TRPV3: variants seen among roughly 807,000 people sequenced by gnomAD.
TRPV3 encodes transient receptor potential cation channel subfamily V member 3, also known as VRL-3.
Under a neutral mutation model 87.1 loss-of-function variants are expected in TRPV3, and 88 were observed. That is an observed-to-expected ratio of 1.01 (90% confidence interval 0.85 to 1.21). The LOEUF (loss-of-function observed/expected upper bound fraction) is 1.21. Ranked by LOEUF, TRPV3 falls within the 50% of genes most tolerant of loss-of-function variation. The pLI is 0.00. For missense variants in TRPV3, 1,054 were observed against 1,030.1 expected, an observed-to-expected ratio of 1.02 and a Z score of -0.32; for synonymous variants, 438 against 423.3, an observed-to-expected ratio of 1.03 and a Z score of -0.43.
rs2150779767 is a variant in TRPV3 at position 3,518,046 on chromosome 17, T to C, written c.2085+530A>G. On this transcript the variant is annotated intron_variant, in intron 15 of 17. Transcript: ENST00000576742. This position sits in a 1 kb window ranked among gnomAD's most constrained non-coding sequence, Gnocchi z 4.3. ...GTTGGCCAAGCTGGGCTCGAACTCT[T>C]GACCTCAGGTGATCCACCCGCTTCG... Among the ~76,000 whole-genome samples the C allele has an allele frequency of 6.6e-6, 1 of 152,176 alleles. No individual in the cohort carries two copies. Among genetic ancestry groups the C allele is most frequent in the East Asian group, 1.9e-4 (1 of 5,164 alleles).
At chr17:3,554,126 T>C (rs190153273) in intron 2 of TRPV3, 232 of 152,656 alleles carry the variant, frequency 1.5e-3, no homozygotes, top group Admixed American at 1.7e-3. Context: ...CGTGGAGTGA[T>C]GAGGACAATG....
chr17:3,516,542 T>C lies in TRPV3; in HGVS notation c.2113A>G (p.Lys705Glu), dbSNP rs371447802. ...CTCCTCAGCCATTCTGGTAACATTTTCTCAAACTCCAAGATGGTCCTGGCT... is the reference window on the plus strand; with the variant it reads ...CTCCTCAGCCATTCTGGTAACATTTCCTCAAACTCCAAGATGGTCCTGGCT... ...QRARTILEFE[K>E]MLPEWLRSRF... Residue 705 changes from lysine (K) to glutamate (E), a missense_variant, in exon 16 of 18, where the codon AAA (lysine) becomes GAA (glutamate). Physicochemically the swap from Lys to Glu is moderately conservative, Grantham distance 56 (BLOSUM62 1). Transcript: ENST00000576742. The C allele has an allele frequency of 1.7e-5, 27 of 1,613,974 alleles. 1 individual carries two copies. The African/African-American group carries it at 3.3e-4, about 20-fold the overall frequency.
rs190182509 is a variant in TRPV3, at chr17:3,533,080, G to A, written c.785-143C>T. The A allele has an allele frequency of 1.2e-3, 1,195 of 978,070 alleles. 2 individuals are homozygous for A. Among genetic ancestry groups the A allele is most frequent in the Middle Eastern group, 1.4e-3 (5 of 3,654 alleles). The allele number at this position is 978,070 out of a possible 1,614,324, so 60.6% of individuals were successfully genotyped here. ...CCCTCTCCCCATCTTCCGCTTCTAC[G>A]GGGAAGAGTGAAGCTAGATCACTGC... On this transcript the variant is annotated intron_variant, in intron 7 of 17. Coordinates refer to ENST00000576742, the MANE Select transcript of TRPV3 (RefSeq NM_145068.4).
rs1302186954 is a variant in TRPV3 at position 3,516,489 on chromosome 17, T to G, written c.2166A>C (p.Lys722Asn). The G allele has an allele frequency of 6.2e-7, 1 of 1,614,056 alleles. No homozygotes were observed. Among genetic ancestry groups the G allele is most frequent in the East Asian group, 2.2e-5 (1 of 44,872 alleles). ...ACAGTCGGAAATCATCCTCGGCCAC[T>G]TTGCACAGCTCTCCCATCCGGAATC... ...RSRFRMGELC[K>N]VAEDDFRLCL... The change falls in exon 16 of 18, where the codon AAA becomes AAC. Residue 722 changes from lysine to asparagine, a missense_variant. By Grantham distance (94) the Lys-to-Asn change is moderately conservative. Coordinates refer to ENST00000576742, the MANE Select transcript of TRPV3 (RefSeq NM_145068.4).
At chr17:3,514,154 C>A (rs562291746) in intron 17 of TRPV3, 143 bp from the exon 18 acceptor site, 1 of 639,662 alleles carries the variant, frequency 1.6e-6, no homozygotes, top group South Asian at 2.2e-5. Flanking sequence ...TCTCAGCTCA[C>A]TGCAACCTCC....
intron 8 of TRPV3, among the ~76,000 whole-genome samples, chr17:3,531,584 G>C (rs402481): frequency 0.34 from 51,692 of 151,828 alleles, 11,129 homozygotes; most frequent in Non-Finnish European, 0.48. Flanking sequence ...GGGGGTCCTG[G>C]GACCATGCTC....
At chr17:3,536,025 G>A (rs1385589184) in intron 6 of TRPV3, among the ~76,000 whole-genome samples, 2 of 152,232 alleles carry the variant, frequency 1.3e-5, no homozygotes, top group African/African-American at 2.4e-5. Flanking sequence ...CTACGATTCA[G>A]AGGGGTGCAG....
intron 7 of TRPV3, among the ~76,000 whole-genome samples, chr17:3,534,710 G>A (rs1340278747): frequency 6.6e-6 from 1 of 151,988 alleles, no homozygotes; most frequent in Non-Finnish European, 1.5e-5. Flanking sequence ...TGTGAGGCAG[G>A]GGAGTTCTGC....
intron 12 of TRPV3, 135 bp from the exon 13 acceptor site, chr17:3,524,498 C>T (rs185954331): frequency 4.8e-4 from 525 of 1,088,724 alleles, no homozygotes; most frequent in Admixed American, 1.1e-3. Context: ...ACCAGAATCA[C>T]GCTGCCTCAG....
At chr17:3,536,935 G>T (rs399605) in intron 6 of TRPV3, among the ~76,000 whole-genome samples, 94,034 of 152,076 alleles carry the variant, frequency 0.62, 35,565 homozygotes, top group Non-Finnish European at 0.85. Context: ...CTGCCGCTGT[G>T]TCATAAACAA....
At position 3,518,681 on chromosome 17, in the gene TRPV3, G is replaced by A. The variant is rs1278421463; in HGVS notation, c.1980C>T (p.Thr660=). ...GGAGAACAAAGGTGAGGATGACATAGGTGATGAGCAGGAACAGAAAGAGAA... is the reference window on the plus strand; with the variant it reads ...GGAGAACAAAGGTGAGGATGACATAAGTGATGAGCAGGAACAGAAAGAGAA... ...YPILFLFLLI[T]YVILTFVLLL... The change falls in exon 15 of 18, where the codon ACC becomes ACT. Residue 660 remains threonine, a synonymous_variant. Transcript: ENST00000576742. The surrounding 1 kb of genome is among the most constrained non-coding windows in gnomAD (Gnocchi z 4.3). 6.2e-7 allele frequency: 1 copy of A among 1,608,770 alleles called. No homozygotes were observed. The highest frequency in any genetic ancestry group is 8.5e-7 in the Non-Finnish European group (1 of 1,177,748).
chr17:3,540,318 CG>C (rs1187334079), intron 6 of TRPV3, among the ~76,000 whole-genome samples: 1 of 152,080 alleles, frequency 6.6e-6, no homozygotes, highest in South Asian at 2.1e-4. Flanking sequence ...AAGGCACCAG[CG>C]GATGGGTCAG....
rs1049860712 is a variant in TRPV3 at position 3,526,044 on chromosome 17, A to G, written c.1577+810T>C. On this transcript the variant is annotated intron_variant, in intron 12 of 17. Transcript: ENST00000576742. ...CATCTGGATAAAAACACTGTCTTAT[A>G]ACATCAGACAGTTTCCAAAATTATA... Among the ~76,000 whole-genome samples the G allele has an allele frequency of 7.2e-5, 11 of 152,200 alleles. 1 individual carries two copies. Among genetic ancestry groups the G allele is most frequent in the Admixed American group, 5.9e-4 (9 of 15,294 alleles).
At chr17:3,526,952 G>T (rs1182751970) in intron 11 of TRPV3, 25 bp from the exon 12 acceptor site, 1 of 1,594,682 alleles carries the variant, frequency 6.3e-7, no homozygotes. Context: ...GAAAGAAACA[G>T]TGCACCCTCT....
At chr17:3,534,062 G>A (rs917071940) in intron 7 of TRPV3, among the ~76,000 whole-genome samples, 55 of 152,142 alleles carry the variant, frequency 3.6e-4, no homozygotes, top group Non-Finnish European at 7.2e-4. Flanking sequence ...GACCAGCTCC[G>A]GACACCAGGT....
At chr17:3,531,329 G>T (rs1196381830) in intron 8 of TRPV3, among the ~76,000 whole-genome samples, 1 of 152,162 alleles carries the variant, frequency 6.6e-6, no homozygotes, top group Non-Finnish European at 1.5e-5. Context: ...CAGTGTCAGA[G>T]ACCTGGCCTC....
Position 3,524,363 on chromosome 17 carries a change from A to G in TRPV3, c.1578T>C (p.Phe526=), listed in dbSNP as rs1012023531. Residue 526 remains phenylalanine, a splice_region_variant and synonymous_variant, in exon 13 of 18, where the codon TTT becomes TTC. Coordinates refer to ENST00000576742, the MANE Select transcript of TRPV3 (RefSeq NM_145068.4). The part of the protein sequence containing the change: ...ILSDAWFHFV[F]FIQAVLVILS... ...GTATCACAAGCACAGCTTGGATAAA[A>G]CTGTTCAGGAGACACAGGAGACACG... is the stretch of plus-strand genomic sequence containing the variant. 8 of 1,614,090 alleles carry G rather than the reference A, an allele frequency of 5.0e-6. No individual in the cohort carries two copies. The Admixed American group carries it at 8.3e-5, about 17-fold the overall frequency.
intron 12 of TRPV3, among the ~76,000 whole-genome samples, chr17:3,525,064 G>T (rs1263199709): frequency 6.6e-6 from 1 of 152,214 alleles, no homozygotes; most frequent in Non-Finnish European, 1.5e-5. Flanking sequence ...CTGTCACCTA[G>T]GCTGGAGTAC....
rs1302961076 is a variant in TRPV3 at position 3,544,675 on chromosome 17, T to C, written c.225-10A>G. 3 of 1,601,678 alleles carry C rather than the reference T, an allele frequency of 1.9e-6. No individual in the cohort carries two copies. The highest frequency in any genetic ancestry group is 2.2e-5 in the East Asian group (1 of 44,570). ...ACAGTTACCAGAGATGCTGGAGGTGTTGGCAGGGGGAACAGAGAGGGTTTT... is the reference window on the plus strand; with the variant it reads ...ACAGTTACCAGAGATGCTGGAGGTGCTGGCAGGGGGAACAGAGAGGGTTTT... On this transcript the variant is annotated splice_polypyrimidine_tract_variant and intron_variant, in intron 3 of 17. Transcript: ENST00000576742.
Sources: gnomAD v4.1 joint callset for allele counts (sites outside exome capture counted in the v4.1 genomes callset) on GRCh38, gnomAD v4.1.1 for gene constraint, Gnocchi (gnomAD v3.1) non-coding constraint, MANE v1.5 for transcripts, NCBI Gene and HGNC (gene_info 2026-07-23, HGNC 2026-07-21) for gene names.